The following PGR variants were observed in gnomAD, a reference collection of about 807,000 sequenced individuals.
PGR encodes progesterone receptor.
In PGR, 25 loss-of-function variants were observed where a neutral mutation model predicts 76.1. The ratio of observed to expected loss-of-function variants is 0.33; its 90% CI spans 0.24 to 0.46. PGR has a LOEUF of 0.46. PGR is among the 20% of genes least tolerant of loss of function. The pLI is 1.00. For missense variants in PGR, 1,172 were observed against 1,225.3 expected, an observed-to-expected ratio of 0.96 and a Z score of 0.65; for synonymous variants, 579 against 535.0, an observed-to-expected ratio of 1.08 and a Z score of -1.14.
intron 1 of PGR, 50 bp downstream of exon 1, chr11:101,127,384 G>C (rs1394593407): frequency 7.2e-7 from 1 of 1,382,832 alleles, no homozygotes; most frequent in South Asian, 1.4e-5. Flanking sequence ...CGCCGCCAAC[G>C]GAACCGCTAC....
chr11:101,064,542 T>C (rs923666021), intron 3 of PGR, among the ~76,000 whole-genome samples: 1 of 151,944 alleles, frequency 6.6e-6, no homozygotes, highest in Non-Finnish European at 1.5e-5. Context: ...ATATAGCATA[T>C]GCCAGGAATT....
chr11:101,129,095 T>TC lies in PGR; in HGVS notation c.-26dup. 2.2e-6 allele frequency: 3 copies of TC among 1,385,762 alleles called. No homozygotes were observed. The highest frequency in any genetic ancestry group is 2.8e-6 in the Non-Finnish European group (3 of 1,072,218). 85.8% of individuals were successfully genotyped at this position (1,385,762 alleles called of 1,614,324 possible). ...TGACGACTGGACTCCCCTTTTCTCCTCCCCCGTCTCCAGGAGGAGGGAAAA... is the reference window on the plus strand; with the variant it reads ...TGACGACTGGACTCCCCTTTTCTCCTCCCCCCGTCTCCAGGAGGAGGGAAAA... On this transcript the variant is annotated 5_prime_UTR_variant, in exon 1 of 8. Transcript: ENST00000325455.
intron 2 of PGR, among the ~76,000 whole-genome samples, chr11:101,108,842 G>A (rs1862258725): frequency 6.6e-6 from 1 of 152,174 alleles, no homozygotes; most frequent in Non-Finnish European, 1.5e-5. Context: ...CACAAATATT[G>A]TATGTTTTAC....
chr11:101,065,380 T>A (rs1417490034), intron 3 of PGR, among the ~76,000 whole-genome samples: 2 of 152,248 alleles, frequency 1.3e-5, no homozygotes, highest in Non-Finnish European at 2.9e-5. Flanking sequence ...GTTGTTTTTT[T>A]ATATAGGATA....
chr11:101,054,316 TCTAA>T (rs555496822), intron 4 of PGR, among the ~76,000 whole-genome samples: 3 of 152,346 alleles, frequency 2.0e-5, no homozygotes, highest in East Asian at 1.9e-4. Context: ...AGAAAGACTC[TCTAA>T]CTAAGCAGCC....
At chr11:101,045,878 T>C (rs1227579563) in intron 6 of PGR, among the ~76,000 whole-genome samples, 3 of 152,030 alleles carry the variant, frequency 2.0e-5, no homozygotes, top group African/African-American at 7.2e-5. Flanking sequence ...GATTGCTAGA[T>C]AGAATGGTAG....
chr11:101,030,976 G>A lies in PGR; in HGVS notation c.*8140C>T. On this transcript the variant is annotated 3_prime_UTR_variant, in exon 8 of 8. Transcript: ENST00000325455. ...ATTCAGACAAGTAAAGGGAAGTCCA[G>A]GAAGATCAAGCCTTTTATGCTTGCC... 1 of 187,912 alleles carries A rather than the reference G, an allele frequency of 5.3e-6. No individual in the cohort carries two copies. The highest frequency in any genetic ancestry group is 1.1e-5 in the Non-Finnish European group (1 of 89,058). 11.6% of individuals were successfully genotyped at this position (187,912 alleles called of 1,614,324 possible). A position where few individuals can be genotyped will look rare whatever the true frequency, so the allele number is the denominator to read the frequency against.
chr11:101,040,745 C>T (rs757043982), intron 7 of PGR, among the ~76,000 whole-genome samples: 16 of 151,942 alleles, frequency 1.1e-4, no homozygotes, highest in Admixed American at 2.0e-4. Flanking sequence ...TTGTGCAGTG[C>T]CTCTACACCG....
intron 3 of PGR, among the ~76,000 whole-genome samples, chr11:101,068,709 C>T (rs774377852): frequency 1.7e-4 from 26 of 151,874 alleles, no homozygotes; most frequent in African/African-American, 4.4e-4. Context: ...TCAGAAGTAA[C>T]GTCACAAATC....
chr11:101,069,140 A>G (rs932993594), intron 3 of PGR, among the ~76,000 whole-genome samples: 2 of 152,176 alleles, frequency 1.3e-5, no homozygotes, highest in Admixed American at 6.5e-5. Context: ...GCTAATATCC[A>G]GAGTCTACAG....
chr11:101,044,879 G>A (rs1859812776), intron 6 of PGR, among the ~76,000 whole-genome samples: 1 of 151,642 alleles, frequency 6.6e-6, no homozygotes, highest in Non-Finnish European at 1.5e-5. Context: ...ACTAATTTTT[G>A]TCTTTTTGGT....
intron 5 of PGR, chr11:101,051,071 CATGT>C: frequency 5.3e-6 from 1 of 189,702 alleles, no homozygotes; most frequent in South Asian, 1.0e-4. Flanking sequence ...TCTAATTTGT[CATGT>C]ATGAAGAAAG....
intron 2 of PGR, among the ~76,000 whole-genome samples, chr11:101,116,982 T>TA (rs1862533434): frequency 6.6e-6 from 1 of 152,172 alleles, no homozygotes; most frequent in African/African-American, 2.4e-5. Flanking sequence ...TGCAAGGGTA[T>TA]ACCACAATTT....
At chr11:101,105,131 G>T (rs1862109941) in intron 2 of PGR, among the ~76,000 whole-genome samples, 3 of 152,214 alleles carry the variant, frequency 2.0e-5, no homozygotes, top group Admixed American at 6.5e-5. Context: ...GTAGTAGATA[G>T]TACAATCAGA....
chr11:101,039,213 C>T lies in PGR; in HGVS notation c.2705G>A (p.Ser902Asn). 1.2e-6 allele frequency: 2 copies of T among 1,611,700 alleles called. No homozygotes were observed. The highest frequency in any genetic ancestry group is 1.7e-6 in the Non-Finnish European group (2 of 1,178,176). ...LNTFIQSRAL[S>N]VEFPEMMSEV... is the part of the protein sequence containing the mutation. Reference sequence around the variant, plus strand: ...AGACATCATTTCTGGAAATTCAACACTCAGTGCCCGGGACTGGATAAATGT... The same window carrying T: ...AGACATCATTTCTGGAAATTCAACATTCAGTGCCCGGGACTGGATAAATGT... Residue 902 changes from serine (S) to asparagine (N), a missense_variant, in exon 8 of 8, where the codon AGT (serine) becomes AAT (asparagine). Physicochemically the swap from Ser to Asn is conservative, Grantham distance 46 (BLOSUM62 1). This residue lies in a region of PGR where 166 missense variants were observed against 296.0 expected (regional missense o/e 0.56). Coordinates refer to ENST00000325455, the MANE Select transcript of PGR (RefSeq NM_000926.4).
At chr11:101,048,606 C>T (rs761468656) in intron 6 of PGR, among the ~76,000 whole-genome samples, 4 of 152,118 alleles carry the variant, frequency 2.6e-5, no homozygotes, top group East Asian at 3.9e-4. Flanking sequence ...ATAAAAGATA[C>T]GAATGGGACA....
rs1203753832 is a variant in PGR, at chr11:101,034,090, C to T, written c.*5026G>A. The T allele has an allele frequency of 4.3e-6, 1 of 231,144 alleles. No individual in the cohort carries two copies. The highest frequency in any genetic ancestry group is 8.6e-6 in the Non-Finnish European group (1 of 116,848). 14.3% of individuals were successfully genotyped at this position (231,144 alleles called of 1,614,324 possible). On this transcript the variant is annotated 3_prime_UTR_variant, in exon 8 of 8. Transcript: ENST00000325455. ...TGGACAGAGTATGCTTTCTTAGCTG[C>T]CTGATTCACATTTCTCTAAAAATGC...
intron 2 of PGR, among the ~76,000 whole-genome samples, chr11:101,098,239 G>T (rs529775): frequency 0.32 from 47,905 of 151,934 alleles, 7,775 homozygotes; most frequent in African/African-American, 0.36. Context: ...ATCTTTATTA[G>T]AAACAAGAAA....
rs149475451 is a variant in PGR at position 101,053,891 on chromosome 11, C to G, written c.2213-2323G>C. 6.5e-4 allele frequency among the ~76,000 whole-genome samples: 99 copies of G among 152,162 alleles called. 2 individuals carry two copies. In the East Asian group the frequency reaches 0.016, roughly 24 times the overall value. Reference sequence around the variant, plus strand: ...GTTTTTGCGAGAGCAAATGCCTTACCTTCCTACTTTCCCACGGAGAAAGCT... The same window carrying G: ...GTTTTTGCGAGAGCAAATGCCTTACGTTCCTACTTTCCCACGGAGAAAGCT... On this transcript the variant is annotated intron_variant, in intron 4 of 7. Coordinates refer to ENST00000325455, the MANE Select transcript of PGR (RefSeq NM_000926.4).
Sources: gnomAD v4.1 joint callset for allele counts (sites outside exome capture counted in the v4.1 genomes callset) on GRCh38, gnomAD v4.1.1 for gene constraint, gnomAD v4.1.1 regional missense constraint, MANE v1.5 for transcripts, NCBI Gene and HGNC (gene_info 2026-07-23, HGNC 2026-07-21) for gene names.